The following IL34 variants were observed in gnomAD, a reference collection of about 807,000 sequenced individuals.
The protein encoded by IL34 is interleukin 34, also known as interleukin-34.
IL34 carries 17 observed loss-of-function variants against 25.3 expected under a neutral mutation model. The observed-to-expected ratio is 0.67, with a 90% CI of 0.46 to 1.01. IL34 has a LOEUF of 1.01. Ranked by LOEUF, IL34 falls within the 50% of genes least tolerant of loss-of-function variation. IL34 has a pLI of 0.00. For missense variants in IL34, 368 were observed against 312.9 expected (o/e 1.18, Z -1.33); for synonymous variants, 174 against 140.9 (o/e 1.23, Z -1.66).
intron 1 of IL34, among the ~76,000 whole-genome samples, chr16:70,587,034 C>T (rs1038126719): frequency 6.6e-6 from 1 of 152,186 alleles, no homozygotes. Context: ...GGAGGCCCCT[C>T]CCAGAATGCT....
intron 1 of IL34, among the ~76,000 whole-genome samples, chr16:70,587,614 T>C (rs2050710077): frequency 6.6e-6 from 1 of 151,886 alleles, no homozygotes; most frequent in African/African-American, 2.4e-5. Context: ...CTGCCGCCTA[T>C]AGGACCTTGG....
intron 1 of IL34, among the ~76,000 whole-genome samples, chr16:70,625,439 G>A (rs765698468): frequency 8.5e-5 from 13 of 152,092 alleles, no homozygotes; most frequent in South Asian, 6.2e-4. Context: ...GGGACTTGCC[G>A]CTAAGGGCGA....
chr16:70,612,025 T>C (rs2051098672), intron 1 of IL34, among the ~76,000 whole-genome samples: 1 of 152,130 alleles, frequency 6.6e-6, no homozygotes, highest in African/African-American at 2.4e-5. Context: ...TGAGACCCTG[T>C]GTAAAAATAA....
At chr16:70,648,261 T>G (rs150835946) in intron 1 of IL34, among the ~76,000 whole-genome samples, 1 of 152,018 alleles carries the variant, frequency 6.6e-6, no homozygotes, top group Non-Finnish European at 1.5e-5. Context: ...GAGGTGCGAA[T>G]GAAAGGCAAG....
Position 70,631,335 on chromosome 16 carries a change from C to A in IL34, c.-400-15213C>A, listed in dbSNP as rs570579321. Reference sequence around the variant, plus strand: ...TGCAGTAAATTATTGGTTTGATTCTCTTCGAGAAACCCAGCTCAAAGTCCT... The same window carrying A: ...TGCAGTAAATTATTGGTTTGATTCTATTCGAGAAACCCAGCTCAAAGTCCT... On this transcript the variant is annotated intron_variant, in intron 1 of 6. Transcript: ENST00000429149. Among the ~76,000 whole-genome samples, 101 of 152,264 alleles carry A rather than the reference C, an allele frequency of 6.6e-4. 1 individual carries two copies. Among genetic ancestry groups the A allele is most frequent in the Non-Finnish European group, 2.6e-4 (18 of 68,020 alleles).
At chr16:70,645,104 AAAG>A (rs1372559719), upstream of IL34, among the ~76,000 whole-genome samples, 1 of 124,790 alleles carries the variant, frequency 8.0e-6, no homozygotes, top group African/African-American at 2.9e-5. Context: ...GAGGAGGGGG[AAAG>A]AGGAGGAAGA....
intron 1 of IL34, among the ~76,000 whole-genome samples, chr16:70,636,070 G>A (rs1178341093): frequency 2.0e-5 from 3 of 149,634 alleles, no homozygotes; most frequent in South Asian, 2.1e-4. Flanking sequence ...AGACAGTCTC[G>A]CTCTGTTGCC....
At chr16:70,620,814 A>T (rs1348065422) in intron 1 of IL34, among the ~76,000 whole-genome samples, 1 of 152,162 alleles carries the variant, frequency 6.6e-6, no homozygotes, top group East Asian at 1.9e-4. Context: ...GGCATTGCAG[A>T]AGAAAAGGCA....
At chr16:70,582,810 C>A (rs1022507195) in intron 1 of IL34, among the ~76,000 whole-genome samples, 2 of 152,216 alleles carry the variant, frequency 1.3e-5, no homozygotes, top group African/African-American at 2.4e-5. Flanking sequence ...GGCACACTGC[C>A]CCCTGCTGCA....
chr16:70,633,975 G>A (rs527360116), intron 1 of IL34, among the ~76,000 whole-genome samples: 5 of 151,814 alleles, frequency 3.3e-5, no homozygotes, highest in African/African-American at 4.8e-5. Flanking sequence ...CTCAGCCTCC[G>A]GAGTAGCTGG....
At chr16:70,606,997 T>C (rs1365618188) in intron 1 of IL34, among the ~76,000 whole-genome samples, 1 of 152,250 alleles carries the variant, frequency 6.6e-6, no homozygotes, top group East Asian at 1.9e-4. Context: ...GGTGCTAGTC[T>C]GTAGACACAC....
intron 1 of IL34, among the ~76,000 whole-genome samples, chr16:70,651,907 C>CTT: frequency 6.6e-6 from 1 of 151,914 alleles, no homozygotes; most frequent in Non-Finnish European, 1.5e-5. Flanking sequence ...GGGTGGATCA[C>CTT]GAGGTCAGCA....
In IL34 at chr16:70,650,524, T is replaced by C. The variant is rs193135115; in HGVS notation, c.28+3549T>C. On this transcript the variant is annotated intron_variant, in intron 1 of 5. Transcript: ENST00000288098. The stretch of plus-strand genomic sequence containing the variant: ...ACAGAGAAGGGCAGGTGCTGTAGGG[T>C]TGGGAGGTGAAGTAGACGGCCAATG... Among the ~76,000 whole-genome samples the C allele has an allele frequency of 2.0e-3, 296 of 151,196 alleles. 3 individuals are homozygous for C. The highest frequency in any genetic ancestry group is 6.8e-3 in the African/African-American group (282 of 41,170).
At chr16:70,652,084 C>T (rs1027682701) in intron 1 of IL34, among the ~76,000 whole-genome samples, 10 of 151,212 alleles carry the variant, frequency 6.6e-5, no homozygotes, top group African/African-American at 1.2e-4. Context: ...GCCAAGATTG[C>T]GCCACGGCAC....
Position 70,660,036 on chromosome 16 carries a change from T to G in IL34, c.578T>G (p.Val193Gly), listed in dbSNP as rs1187552632. 1.2e-6 allele frequency: 2 copies of G among 1,610,236 alleles called. No individual in the cohort carries two copies. Among genetic ancestry groups the G allele is most frequent in the African/African-American group, 2.7e-5 (2 of 74,548 alleles). ...SSVLNWQDCE[V>G]PSPQSCSPEP... is the part of the protein sequence containing the mutation. Reference sequence around the variant, plus strand: ...GTCCTAAACTGGCAGGACTGTGAGGTGCCAAGTCCTCAGTCTTGCAGCCCA... The same window carrying G: ...GTCCTAAACTGGCAGGACTGTGAGGGGCCAAGTCCTCAGTCTTGCAGCCCA... The change falls in exon 6 of 6, where the codon GTG (valine) becomes GGG (glycine). Residue 193 changes from valine to glycine, a missense_variant. Physicochemically the swap from Val to Gly is moderately radical, Grantham distance 109 (BLOSUM62 -3). Coordinates refer to ENST00000288098, the MANE Select transcript of IL34 (RefSeq NM_001393494.1).
At chr16:70,588,479 G>C (rs2050718480) in intron 1 of IL34, among the ~76,000 whole-genome samples, 1 of 151,204 alleles carries the variant, frequency 6.6e-6, no homozygotes, top group African/African-American at 2.4e-5. Flanking sequence ...TGGGCAACAA[G>C]AGTGAAACTT....
intron 4 of IL34, chr16:70,657,335 G>C: frequency 1.8e-6 from 1 of 569,498 alleles, no homozygotes; most frequent in Non-Finnish European, 3.1e-6. Context: ...CCGGGCTCGG[G>C]GTGCAGGCGA....
At chr16:70,589,800 T>C (rs1255319358) in intron 1 of IL34, among the ~76,000 whole-genome samples, 1 of 152,050 alleles carries the variant, frequency 6.6e-6, no homozygotes, top group Non-Finnish European at 1.5e-5. Flanking sequence ...TTTTTGTATT[T>C]TTAGTAGAGA....
upstream of IL34, among the ~76,000 whole-genome samples, chr16:70,643,722 A>AT (rs1187504692): frequency 1.3e-5 from 2 of 152,212 alleles, no homozygotes; most frequent in Non-Finnish European, 2.9e-5. Context: ...TTATATATTG[A>AT]TTTTTAAAAA....
Sources: gnomAD v4.1 joint callset for allele counts (sites outside exome capture counted in the v4.1 genomes callset) on GRCh38, gnomAD v4.1.1 for gene constraint, MANE v1.5 for transcripts, NCBI Gene and HGNC (gene_info 2026-07-23, HGNC 2026-07-21) for gene names.